TP63: variants seen among roughly 807,000 people sequenced by gnomAD.
TP63 encodes the protein tumor protein p63.
TP63 carries 17 observed loss-of-function variants against 82.8 expected under a neutral mutation model. The observed-to-expected ratio is 0.21, with a 90% CI of 0.14 to 0.31. The LOEUF (loss-of-function observed/expected upper bound fraction) is 0.31, where lower values mean the gene tolerates loss of function less well. Among genes scored for constraint, TP63 ranks in the 10% least tolerant of loss-of-function variants. The pLI is 1.00. For synonymous variants in TP63, 330 were observed against 321.7 expected (o/e 1.03, Z -0.28); for missense variants, 648 against 895.3 (o/e 0.72, Z 3.52).
At chr3:189,676,418 T>C (rs1184026450) in intron 1 of TP63, among the ~76,000 whole-genome samples, 2 of 152,142 alleles carry the variant, frequency 1.3e-5, no homozygotes, top group Admixed American at 6.6e-5. Flanking sequence ...AGTATTTGTC[T>C]GTCTGTGCCT....
At chr3:189,863,357 G>A (rs779995815) in intron 4 of TP63, among the ~76,000 whole-genome samples, 5 of 152,144 alleles carry the variant, frequency 3.3e-5, no homozygotes, top group Non-Finnish European at 5.9e-5. Context: ...TAGAATGAAG[G>A]TTCTCTTCTG....
intron 1 of TP63, among the ~76,000 whole-genome samples, chr3:189,671,993 T>C (rs189569128): frequency 6.6e-6 from 1 of 152,228 alleles, no homozygotes; most frequent in Non-Finnish European, 1.5e-5. Context: ...AGGGTGAATA[T>C]AGCTAATGAT....
At position 189,886,429 on chromosome 3, in the gene TP63, G is replaced by A. The variant is rs147181964; in HGVS notation, c.1385G>A (p.Ser462Asn). Residue 462 changes from serine to asparagine, a missense_variant, in exon 11 of 14, where the codon AGC becomes AAC. Physicochemically the swap from Ser to Asn is conservative, Grantham distance 46 (BLOSUM62 1). Transcript: ENST00000264731. ...SIQSPSSYGN[S>N]SPPLNKMNSM... ...CAGTCTCCATCTTCATATGGTAACA[G>A]CTCCCCACCTCTGAACAAAATGAAC... is the stretch of plus-strand genomic sequence containing the variant. 3.7e-6 allele frequency: 6 copies of A among 1,614,028 alleles called. No individual in the cohort carries two copies. Among genetic ancestry groups the A allele is most frequent in the Non-Finnish European group, 5.1e-6 (6 of 1,179,988 alleles).
chr3:189,857,021 C>T (rs1461396540), intron 4 of TP63, among the ~76,000 whole-genome samples: 1 of 152,020 alleles, frequency 6.6e-6, no homozygotes, highest in Non-Finnish European at 1.5e-5. Flanking sequence ...AAATTGTAAA[C>T]TGCATGTAAA....
chr3:189,750,841 T>G (rs1423556029), intron 3 of TP63, among the ~76,000 whole-genome samples: 1 of 152,200 alleles, frequency 6.6e-6, no homozygotes, highest in Non-Finnish European at 1.5e-5. Context: ...TATTATACTT[T>G]AAGTTCTAAG....
chr3:189,699,053 G>T (rs189914866), intron 1 of TP63, among the ~76,000 whole-genome samples: 14 of 152,180 alleles, frequency 9.2e-5, no homozygotes, highest in Non-Finnish European at 1.5e-5. Flanking sequence ...TGGCCAACAT[G>T]GTTCCTCCAT....
intron 4 of TP63, among the ~76,000 whole-genome samples, chr3:189,833,206 G>C (rs1351787226): frequency 6.6e-6 from 1 of 152,136 alleles, no homozygotes; most frequent in African/African-American, 2.4e-5. Flanking sequence ...TTCTATCTAT[G>C]ACAAATTCAG....
intron 4 of TP63, among the ~76,000 whole-genome samples, chr3:189,828,524 G>T (rs902983963): frequency 1.3e-5 from 2 of 152,128 alleles, no homozygotes; most frequent in Non-Finnish European, 2.9e-5. Flanking sequence ...CTTTAGTTAG[G>T]ATTAGTCTTG....
intron 1 of TP63, among the ~76,000 whole-genome samples, chr3:189,717,531 A>T (rs1475840239): frequency 6.6e-6 from 1 of 152,224 alleles, no homozygotes; most frequent in African/African-American, 2.4e-5. Context: ...GCTATACTGA[A>T]TTTGAATTTC....
chr3:189,891,142 G>A (rs1319527019), intron 13 of TP63, among the ~76,000 whole-genome samples: 2 of 152,138 alleles, frequency 1.3e-5, no homozygotes, highest in African/African-American at 4.8e-5. Flanking sequence ...TTCTCAAGGT[G>A]GGAAAGAGGA....
chr3:189,883,696 A>G (rs1265009441), intron 10 of TP63, among the ~76,000 whole-genome samples: 1 of 152,192 alleles, frequency 6.6e-6, no homozygotes, highest in Non-Finnish European at 1.5e-5. Context: ...TAAGAAAATG[A>G]GACTCAAGAA....
In TP63 at chr3:189,727,330, A is replaced by G. The variant is rs574969642; in HGVS notation, c.63-10410A>G. On this transcript the variant is annotated intron_variant, in intron 1 of 13. Coordinates refer to ENST00000264731, the MANE Select transcript of TP63 (RefSeq NM_003722.5). ...GGTTGAAGGCCACTGCAATTGGATT[A>G]TTTTCTGCATGAATCAGACCAGTAT... is the stretch of plus-strand genomic sequence containing the variant. 5.2e-4 allele frequency among the ~76,000 whole-genome samples: 79 copies of G among 152,284 alleles called. No homozygotes were observed. In the Middle Eastern group the frequency reaches 0.017, roughly 33 times the overall value.
intron 3 of TP63, among the ~76,000 whole-genome samples, chr3:189,793,336 G>A (rs1042575619): frequency 3.9e-5 from 6 of 152,002 alleles, no homozygotes; most frequent in African/African-American, 1.2e-4. Context: ...CATGTCACAC[G>A]TACAGCAGAA....
At chr3:189,874,264 G>GT (rs1242438668) in intron 10 of TP63, among the ~76,000 whole-genome samples, 2 of 152,094 alleles carry the variant, frequency 1.3e-5, no homozygotes, top group Non-Finnish European at 2.9e-5. Context: ...TAGAGATGGG[G>GT]TTTCACCATG....
At chr3:189,837,105 T>C (rs4687098) in intron 4 of TP63, among the ~76,000 whole-genome samples, 51,004 of 151,888 alleles carry the variant, frequency 0.34, 9,657 homozygotes, top group African/African-American at 0.5. Context: ...ATATATACTC[T>C]TCCCAACAGG....
chr3:189,792,124 A>G (rs1296902646), intron 3 of TP63, among the ~76,000 whole-genome samples: 2 of 152,026 alleles, frequency 1.3e-5, no homozygotes, highest in Non-Finnish European at 2.9e-5. Flanking sequence ...TTCCTTCTCT[A>G]TTCCTTTTCC....
At chr3:189,738,824 C>G (rs1054929777) in intron 3 of TP63, 50 bp downstream of exon 3, 2 of 1,605,968 alleles carry the variant, frequency 1.2e-6, no homozygotes, top group Non-Finnish European at 1.7e-6. Context: ...CTATCTATAG[C>G]TCTGTTAAAC....
At chr3:189,740,011 G>A (rs1409666507) in intron 3 of TP63, among the ~76,000 whole-genome samples, 4 of 151,262 alleles carry the variant, frequency 2.6e-5, no homozygotes, top group South Asian at 2.1e-4. Flanking sequence ...TTAATATTGG[G>A]AGAAAGTCAA....
At chr3:189,657,219 T>A (rs1196840596) in intron 1 of TP63, among the ~76,000 whole-genome samples, 4 of 152,046 alleles carry the variant, frequency 2.6e-5, no homozygotes, top group African/African-American at 9.7e-5. Flanking sequence ...CATAGGAGAT[T>A]TATTTTTGGG....
Sources: gnomAD v4.1 joint callset for allele counts (sites outside exome capture counted in the v4.1 genomes callset) on GRCh38, gnomAD v4.1.1 for gene constraint, MANE v1.5 for transcripts, NCBI Gene and HGNC (gene_info 2026-07-23, HGNC 2026-07-21) for gene names.